ANO3: variants seen among roughly 807,000 people sequenced by gnomAD.
ANO3 encodes the protein anoctamin 3.
Under a neutral mutation model 144.8 loss-of-function variants are expected in ANO3, and 99 were observed. The ratio of observed to expected loss-of-function variants is 0.68; its 90% CI spans 0.58 to 0.81. ANO3 has a LOEUF of 0.81. ANO3 is among the 30% of genes least tolerant of loss of function. The pLI, the probability that ANO3 is intolerant of heterozygous loss-of-function variation, is 0.00. For synonymous variants in ANO3, 414 were observed against 392.6 expected, an observed-to-expected ratio of 1.05 and a Z score of -0.64; for missense variants, 905 against 1,202.2, an observed-to-expected ratio of 0.75 and a Z score of 3.66.
chr11:26,240,211 G>A (rs934530147), intron 1 of ANO3, among the ~76,000 whole-genome samples: 6 of 152,106 alleles, frequency 3.9e-5, no homozygotes, highest in East Asian at 1.9e-4. Flanking sequence ...GTAAATATAA[G>A]ACAATAAAGG....
At position 26,662,302 on chromosome 11, in the gene ANO3, A is replaced by G. The variant is rs1358311884; in HGVS notation, c.*1858A>G. The G allele has an allele frequency of 1.5e-5, 2 of 135,890 alleles. No homozygotes were observed. The highest frequency in any genetic ancestry group is 5.2e-5 in the African/African-American group (2 of 38,106). 8.4% of individuals were successfully genotyped at this position (135,890 alleles called of 1,614,324 possible). On this transcript the variant is annotated 3_prime_UTR_variant, in exon 27 of 27. Coordinates refer to ENST00000256737, the MANE Select transcript of ANO3 (RefSeq NM_031418.4). Reference sequence around the variant, plus strand: ...AAACTCTTCCATTCAGATTCCAGAGAGGTTCTCATGCTCCCCCCCCTCCTT... The same window carrying G: ...AAACTCTTCCATTCAGATTCCAGAGGGGTTCTCATGCTCCCCCCCCTCCTT...
intron 1 of ANO3, among the ~76,000 whole-genome samples, chr11:26,213,041 T>C (rs1851966387): frequency 6.6e-6 from 1 of 152,128 alleles, no homozygotes; most frequent in South Asian, 2.1e-4. Flanking sequence ...CACCTGATTA[T>C]CTCAATAGAT....
intron 1 of ANO3, among the ~76,000 whole-genome samples, chr11:26,293,133 C>A (rs1853998522): frequency 6.6e-6 from 1 of 152,122 alleles, no homozygotes; most frequent in African/African-American, 2.4e-5. Flanking sequence ...ATTTAATACC[C>A]ATTTTAAAAG....
upstream of ANO3, among the ~76,000 whole-genome samples, chr11:26,329,406 G>A (rs1191247869): frequency 2.0e-5 from 3 of 150,888 alleles, no homozygotes; most frequent in African/African-American, 4.9e-5. Flanking sequence ...AAATTTCCTC[G>A]GCCCCTCACA....
chr11:26,394,228 T>G (rs1401673557), intron 1 of ANO3, among the ~76,000 whole-genome samples: 1 of 149,248 alleles, frequency 6.7e-6, no homozygotes, highest in African/African-American at 2.4e-5. Context: ...TCTATATTGT[T>G]TGCTAGACAT....
At chr11:26,297,438 C>T (rs553969218) in intron 1 of ANO3, among the ~76,000 whole-genome samples, 11 of 152,232 alleles carry the variant, frequency 7.2e-5, no homozygotes, top group Middle Eastern at 3.4e-3. Flanking sequence ...TGTAATTATG[C>T]GGAACACAGG....
At chr11:26,472,717 A>G (rs1298344565) in intron 4 of ANO3, among the ~76,000 whole-genome samples, 1 of 151,900 alleles carries the variant, frequency 6.6e-6, no homozygotes, top group African/African-American at 2.4e-5. Flanking sequence ...GTGCTTAGTT[A>G]GATCCTGATA....
At chr11:26,527,041 T>C (rs1221761121) in intron 7 of ANO3, among the ~76,000 whole-genome samples, 1 of 60,736 alleles carries the variant, frequency 1.6e-5, no homozygotes, top group East Asian at 5.9e-4. Context: ...AGTGAGACTT[T>C]GCTACTACAT....
intron 23 of ANO3, among the ~76,000 whole-genome samples, chr11:26,645,577 T>C (rs1430011147): frequency 6.6e-6 from 1 of 152,132 alleles, no homozygotes; most frequent in Non-Finnish European, 1.5e-5. Flanking sequence ...CTGAATACAA[T>C]GCAATTTGAG....
intron 1 of ANO3, among the ~76,000 whole-genome samples, chr11:26,428,067 G>T (rs1239531603): frequency 1.3e-5 from 2 of 152,064 alleles, no homozygotes; most frequent in Non-Finnish European, 2.9e-5. Flanking sequence ...CATAGATGTG[G>T]ATCATAGATA....
chr11:26,265,063 T>C (rs1455252035), intron 1 of ANO3, among the ~76,000 whole-genome samples: 1 of 152,060 alleles, frequency 6.6e-6, no homozygotes, highest in Non-Finnish European at 1.5e-5. Context: ...AAAAGGAGAA[T>C]TGCTTTTCAC....
At chr11:26,199,200 G>C (rs576696352) in intron 1 of ANO3, among the ~76,000 whole-genome samples, 1 of 151,826 alleles carries the variant, frequency 6.6e-6, no homozygotes, top group African/African-American at 2.4e-5. Context: ...CTAACAAACT[G>C]TGGCCTTGAC....
chr11:26,247,966 C>T (rs188131957), intron 1 of ANO3, among the ~76,000 whole-genome samples: 4,817 of 151,652 alleles, frequency 0.032, 125 homozygotes, highest in Non-Finnish European at 0.045. Flanking sequence ...CTCTTGACCT[C>T]GTGATCCGCC....
At position 26,286,097 on chromosome 11, in the gene ANO3, T is replaced by A. The variant is rs560903889; in HGVS notation, c.155-23548T>A. 6 of 152,240 alleles carry A rather than the reference T, an allele frequency of 3.9e-5. No homozygotes were observed. The South Asian group carries it at 6.2e-4, about 16-fold the overall frequency. The allele number at this position is 152,240 out of a possible 1,614,324, so 9.4% of individuals were successfully genotyped here. ...TCATAACAGATGGCCGTTAGCTCAA[T>A]CTACAGGGAATCAGCTTATTGTCTT... On this transcript the variant is annotated intron_variant, in intron 1 of 27. Transcript: ENST00000672621.
rs61877282 is a variant in ANO3 at position 26,661,637 on chromosome 11, C to T, written c.*1193C>T. The T allele has an allele frequency of 6.6e-6, 1 of 151,946 alleles. No individual in the cohort carries two copies. The highest frequency in any genetic ancestry group is 2.4e-5 in the African/African-American group (1 of 41,382). The allele number at this position is 151,946 out of a possible 1,614,324, so 9.4% of individuals were successfully genotyped here. The stretch of plus-strand genomic sequence containing the variant: ...GGGAGTTTTATGTTATTATTTCTTC[C>T]ATAGTTTTGTTTTGGTTTATTTTTA... On this transcript the variant is annotated 3_prime_UTR_variant, in exon 27 of 27. Coordinates refer to ENST00000256737, the MANE Select transcript of ANO3 (RefSeq NM_031418.4).
intron 1 of ANO3, among the ~76,000 whole-genome samples, chr11:26,219,748 G>A (rs946737407): frequency 3.3e-5 from 5 of 152,142 alleles, no homozygotes; most frequent in Non-Finnish European, 5.9e-5. Flanking sequence ...CAAAGCAAAT[G>A]TATTACTTAC....
At chr11:26,289,653 T>G (rs1245009647) in intron 1 of ANO3, among the ~76,000 whole-genome samples, 5 of 92,722 alleles carry the variant, frequency 5.4e-5, no homozygotes, top group East Asian at 3.1e-4. Flanking sequence ...CACACATATA[T>G]TCTATATGTG....
intron 3 of ANO3, among the ~76,000 whole-genome samples, chr11:26,462,049 A>G (rs1200430957): frequency 1.3e-5 from 2 of 151,972 alleles, no homozygotes; most frequent in East Asian, 3.9e-4. Flanking sequence ...TGATACTATT[A>G]GCTGCCCATG....
rs78146051 is a variant in ANO3 at position 26,513,414 on chromosome 11, G to T, written c.592-3413G>T. On this transcript the variant is annotated intron_variant, in intron 5 of 26. Transcript: ENST00000256737. The stretch of plus-strand genomic sequence containing the variant: ...GACGATGATGTAAACCAGAGTGATA[G>T]CTGTGAAGGAGGTAGAGAGGGATCA... Among the ~76,000 whole-genome samples, 7 of 152,252 alleles carry T rather than the reference G, an allele frequency of 4.6e-5. No individual in the cohort carries two copies. The South Asian group carries it at 1.5e-3, about 32-fold the overall frequency.
Sources: gnomAD v4.1 joint callset for allele counts (sites outside exome capture counted in the v4.1 genomes callset) on GRCh38, gnomAD v4.1.1 for gene constraint, MANE v1.5 for transcripts, NCBI Gene and HGNC (gene_info 2026-07-23, HGNC 2026-07-21) for gene names.